GPR174: variants seen among roughly 807,000 people sequenced by gnomAD.
The protein encoded by GPR174 is G protein-coupled receptor 174, also known as probable G protein-coupled receptor 174.
A neutral mutation model predicts 16.5 loss-of-function variants in GPR174; 8 were observed. The observed-to-expected ratio is 0.48, with a 90% CI of 0.28 to 0.87. The LOEUF is 0.87. GPR174 is among the 40% of genes least tolerant of loss of function. GPR174 has a pLI of 0.09. For missense variants in GPR174, 214 were observed against 247.5 expected, an observed-to-expected ratio of 0.86 and a Z score of 0.91; for synonymous variants, 111 against 94.8, an observed-to-expected ratio of 1.17 and a Z score of -0.99.
intron 1 of GPR174, among the ~76,000 whole-genome samples, chrX:79,153,566 A>T (rs1397968476): frequency 9.0e-6 from 1 of 111,576 alleles, no homozygotes; most frequent in Admixed American, 9.5e-5. Context: ...GGACAGGAAT[A>T]GGTTGTGGTT....
Position 79,146,998 on chromosome X carries a change from CA to C in GPR174, c.-654+1785del, listed in dbSNP as rs774597455. On this transcript the variant is annotated intron_variant, in intron 1 of 2. Coordinates refer to ENST00000645147, the MANE Select transcript of GPR174 (RefSeq NM_032553.3). ...TTGCCCATTAAAGTGACTCCCCACC[CA>C]AAACCTTCTTTTTATGCTATAGGTC... Among the ~76,000 whole-genome samples, 394 of 111,752 alleles carry C rather than the reference CA, an allele frequency of 3.5e-3. 1 individual carries two copies. Among genetic ancestry groups the C allele is most frequent in the Non-Finnish European group, 5.4e-3 (287 of 53,088 alleles).
chrX:79,147,865 G>A (rs1203954443), intron 1 of GPR174, among the ~76,000 whole-genome samples: 1 of 111,802 alleles, frequency 8.9e-6, no homozygotes, highest in Non-Finnish European at 1.9e-5. Context: ...ATATAACCGA[G>A]TGCTATCTGA....
intron 2 of GPR174, among the ~76,000 whole-genome samples, chrX:79,163,063 G>A (rs1921272655): frequency 9.0e-6 from 1 of 111,468 alleles, no homozygotes; most frequent in East Asian, 2.8e-4. Context: ...GCACTTGAAA[G>A]GGTGCAATAA....
chrX:79,170,008 T>A (rs759729027), intron 2 of GPR174, among the ~76,000 whole-genome samples: 43 of 112,099 alleles, frequency 3.8e-4, no homozygotes, highest in Non-Finnish European at 5.8e-4. Flanking sequence ...TCAATCAGAA[T>A]CTCTGGAGGA....
rs767324940 is a variant in GPR174 at position 79,171,051 on chromosome X, C to G, written c.44C>G (p.Thr15Arg). The G allele has an allele frequency of 8.3e-7, 1 of 1,206,717 alleles. No homozygotes were observed. The highest frequency in any genetic ancestry group is 1.7e-5 in the African/African-American group (1 of 57,714). The stretch of plus-strand genomic sequence containing the variant: ...TGTACCAGGCCAGATGGAGACAATA[C>G]AGATTTTCGATACTTTATTTATGCA... ...YTCTRPDGDN[T>R]DFRYFIYAVT... The change falls in exon 3 of 3, where the codon ACA (threonine) becomes AGA (arginine). Residue 15 changes from threonine to arginine, a missense_variant. Physicochemically the swap from Thr to Arg is moderately conservative, Grantham distance 71. Coordinates refer to ENST00000645147, the MANE Select transcript of GPR174 (RefSeq NM_032553.3).
chrX:79,169,188 T>C (rs1602343861), intron 2 of GPR174, among the ~76,000 whole-genome samples: 1 of 111,147 alleles, frequency 9.0e-6, no homozygotes, highest in African/African-American at 3.3e-5. Context: ...ATTGAGGAAA[T>C]ACAGTATGCT....
intron 1 of GPR174, among the ~76,000 whole-genome samples, chrX:79,149,153 C>T (rs997438366): frequency 1.1e-4 from 12 of 111,636 alleles, no homozygotes; most frequent in African/African-American, 3.6e-4. Flanking sequence ...TCTATAGTTT[C>T]ATGGCCCCTA....
In GPR174 at chrX:79,174,567, G is replaced by T. The variant is rs950395606; in HGVS notation, c.*2558G>T. On this transcript the variant is annotated 3_prime_UTR_variant, in exon 3 of 3. Transcript: ENST00000645147. ...GTCCCACAGCACTGCCTTTCATATT[G>T]CATACAGTAAGCAAACACCTACTTT... 2 of 109,760 alleles carry T rather than the reference G, an allele frequency of 1.8e-5. No individual in the cohort carries two copies. Among genetic ancestry groups the T allele is most frequent in the African/African-American group, 3.3e-5 (1 of 30,094 alleles). 9.0% of individuals were successfully genotyped at this position (109,760 alleles called of 1,213,427 possible). A position where few individuals can be genotyped will look rare whatever the true frequency, so the allele number is the denominator to read the frequency against.
chrX:79,159,037 AT>A, intron 2 of GPR174, among the ~76,000 whole-genome samples: 1 of 110,782 alleles, frequency 9.0e-6, no homozygotes, highest in East Asian at 2.8e-4. Context: ...ACCCAGAAAA[AT>A]TTTAAAAGAT....
chrX:79,171,079 G>A lies in GPR174; in HGVS notation c.72G>A (p.Val24=). The A allele has an allele frequency of 8.3e-7, 1 of 1,206,422 alleles. No individual in the cohort carries two copies. The highest frequency in any genetic ancestry group is 1.1e-6 in the Non-Finnish European group (1 of 890,975). ...NTDFRYFIYA[V]TYTVILVPGL... ...ATTTTCGATACTTTATTTATGCAGTGACATACACTGTCATTCTTGTGCCAG... is the reference window on the plus strand; with the variant it reads ...ATTTTCGATACTTTATTTATGCAGTAACATACACTGTCATTCTTGTGCCAG... Residue 24 remains valine (V), a synonymous_variant, in exon 3 of 3, where the codon GTG becomes GTA. Transcript: ENST00000645147.
At chrX:79,153,948 A>T (rs1921036084) in intron 1 of GPR174, among the ~76,000 whole-genome samples, 1 of 112,002 alleles carries the variant, frequency 8.9e-6, no homozygotes, top group South Asian at 3.7e-4. Context: ...GATTAATACA[A>T]AATTAGTGAA....
chrX:79,166,719 G>A (rs1347869798), intron 2 of GPR174, among the ~76,000 whole-genome samples: 1 of 110,561 alleles, frequency 9.0e-6, no homozygotes, highest in Non-Finnish European at 1.9e-5. Flanking sequence ...ACAGGTGTGA[G>A]CCACTGCGCC....
chrX:79,162,220 C>T (rs1203441096), intron 2 of GPR174, among the ~76,000 whole-genome samples: 1 of 111,417 alleles, frequency 9.0e-6, no homozygotes, highest in African/African-American at 3.3e-5. Context: ...CTTAAGTGAA[C>T]ACATTGTGAT....
intron 2 of GPR174, among the ~76,000 whole-genome samples, chrX:79,163,826 T>G (rs1215946057): frequency 9.0e-6 from 1 of 111,567 alleles, no homozygotes; most frequent in Non-Finnish European, 1.9e-5. Context: ...AGGCAAGACT[T>G]GGAATGAACT....
intron 1 of GPR174, among the ~76,000 whole-genome samples, chrX:79,151,880 GGAA>G (rs1267287674): frequency 8.9e-6 from 1 of 111,897 alleles, no homozygotes; most frequent in African/African-American, 3.2e-5. Flanking sequence ...AAGAGATTTA[GGAA>G]GAAGGTGTGT....
Position 79,171,893 on chromosome X carries a change from A to G in GPR174, c.886A>G (p.Thr296Ala), listed in dbSNP as rs1257208411. The G allele has an allele frequency of 8.3e-7, 1 of 1,211,006 alleles. No individual in the cohort carries two copies. The highest frequency in any genetic ancestry group is 1.1e-6 in the Non-Finnish European group (1 of 895,190). Residue 296 changes from threonine (T) to alanine (A), a missense_variant, in exon 3 of 3, where the codon ACT becomes GCT. Coordinates refer to ENST00000645147, the MANE Select transcript of GPR174 (RefSeq NM_032553.3). ...TGACCCAGTCATATACTACTTTTCC[A>G]CTAATGAGTTCCGAAGACGGCTTTC... Reference protein sequence around the residue: ...CLDPVIYYFSTNEFRRRLSRQ... With the variant: ...CLDPVIYYFSANEFRRRLSRQ...
At position 79,174,537 on chromosome X, in the gene GPR174, A is replaced by C. The variant is rs1270958917; in HGVS notation, c.*2528A>C. On this transcript the variant is annotated 3_prime_UTR_variant, in exon 3 of 3. Transcript: ENST00000645147. ...CTGGAGGGAAAGAAATTTTGGATAA[A>C]GTGGGTCCCACAGCACTGCCTTTCA... The C allele has an allele frequency of 9.1e-6, 1 of 109,593 alleles. No individual in the cohort carries two copies. The highest frequency in any genetic ancestry group is 4.0e-4 in the South Asian group (1 of 2,512). The allele number at this position is 109,593 out of a possible 1,213,427, so 9.0% of individuals were successfully genotyped here.
chrX:79,146,737 T>C (rs781411932), intron 1 of GPR174, among the ~76,000 whole-genome samples: 1 of 111,985 alleles, frequency 8.9e-6, no homozygotes, highest in East Asian at 2.8e-4. Flanking sequence ...AGTCATAGAC[T>C]GCTCCCAATA....
At chrX:79,146,935 A>G (rs1926511503) in intron 1 of GPR174, among the ~76,000 whole-genome samples, 1 of 111,262 alleles carries the variant, frequency 9.0e-6, no homozygotes, top group African/African-American at 3.3e-5. Flanking sequence ...TCTCCACCCA[A>G]TCCTGATACA....
Sources: allele counts gnomAD v4.1 joint callset (sites outside exome capture counted in the v4.1 genomes callset), GRCh38; gene constraint gnomAD v4.1.1; transcripts MANE v1.5; gene names NCBI Gene and HGNC (gene_info 2026-07-23, HGNC 2026-07-21).